The following SORCS3 variants were observed in gnomAD, a reference collection of about 807,000 sequenced individuals.
SORCS3 encodes VPS10 domain-containing receptor SorCS3.
SORCS3 carries 57 observed loss-of-function variants against 146.3 expected under a neutral mutation model. That is an observed-to-expected ratio of 0.39 (90% CI 0.31 to 0.49). The LOEUF (loss-of-function observed/expected upper bound fraction) is 0.49, where lower values mean the gene tolerates loss of function less well. SORCS3 is among the 20% of genes least tolerant of loss of function. The pLI is 0.92. For synonymous variants in SORCS3, 653 were observed against 618.5 expected, an observed-to-expected ratio of 1.06 and a Z score of -0.83; for missense variants, 1,341 against 1,575.5, an observed-to-expected ratio of 0.85 and a Z score of 2.52.
At chr10:105,074,221 G>C (rs902923764) in intron 5 of SORCS3, among the ~76,000 whole-genome samples, 8 of 152,162 alleles carry the variant, frequency 5.3e-5, no homozygotes, top group Admixed American at 5.2e-4. Context: ...CAGATGTGCT[G>C]TGGAGCCAAG....
At chr10:104,774,001 C>T (rs945687859) in intron 1 of SORCS3, among the ~76,000 whole-genome samples, 4 of 152,184 alleles carry the variant, frequency 2.6e-5, no homozygotes, top group Non-Finnish European at 5.9e-5. Flanking sequence ...GGATTCTGCA[C>T]CTATCCTCTG....
chr10:105,102,688 GA>G (rs1181778504), intron 6 of SORCS3, among the ~76,000 whole-genome samples: 1 of 144,976 alleles, frequency 6.9e-6, no homozygotes, highest in Non-Finnish European at 1.5e-5. Context: ...GAAAGGAAAA[GA>G]AAAAAAACAG....
At chr10:104,978,440 C>CA (rs1467312606) in intron 4 of SORCS3, among the ~76,000 whole-genome samples, 1 of 152,176 alleles carries the variant, frequency 6.6e-6, no homozygotes, top group African/African-American at 2.4e-5. Context: ...TTGTATGCCT[C>CA]AAAACCTCTC....
At chr10:104,842,680 C>T in intron 1 of SORCS3, 112 bp from the exon 2 acceptor site, 1 of 775,872 alleles carries the variant, frequency 1.3e-6, no homozygotes, top group Admixed American at 2.1e-5. Flanking sequence ...AATACTAAGC[C>T]CTCCTCTGGG....
At chr10:104,685,225 A>C (rs1000495503) in intron 1 of SORCS3, among the ~76,000 whole-genome samples, 1 of 152,200 alleles carries the variant, frequency 6.6e-6, no homozygotes, top group African/African-American at 2.4e-5. Flanking sequence ...TGAACTAAGC[A>C]TTGTAGGAGC....
intron 1 of SORCS3, among the ~76,000 whole-genome samples, chr10:104,808,339 TAAAC>T (rs909624217): frequency 2.6e-4 from 39 of 152,242 alleles, no homozygotes; most frequent in African/African-American, 8.9e-4. Flanking sequence ...CTTCAAATAG[TAAAC>T]AAGAAAATAG....
At chr10:104,814,465 G>A (rs1203211005) in intron 1 of SORCS3, among the ~76,000 whole-genome samples, 2 of 151,962 alleles carry the variant, frequency 1.3e-5, no homozygotes, top group Non-Finnish European at 2.9e-5. Context: ...CTTCATAGAC[G>A]TTGTCCCCTT....
intron 6 of SORCS3, among the ~76,000 whole-genome samples, chr10:105,097,907 C>A (rs2133747691): frequency 6.6e-6 from 1 of 152,278 alleles, no homozygotes; most frequent in East Asian, 1.9e-4. Flanking sequence ...TAGAAATGTG[C>A]AGAATCAAAA....
chr10:104,726,813 T>C (rs908475152), intron 1 of SORCS3, among the ~76,000 whole-genome samples: 5 of 152,132 alleles, frequency 3.3e-5, no homozygotes, highest in Non-Finnish European at 5.9e-5. Context: ...CTGCCCTTTT[T>C]TTCCAGAGCT....
At chr10:105,164,063 T>C (rs2056291291) in intron 11 of SORCS3, among the ~76,000 whole-genome samples, 1 of 152,166 alleles carries the variant, frequency 6.6e-6, no homozygotes, top group Non-Finnish European at 1.5e-5. Flanking sequence ...CCTGGACTAA[T>C]CGATATTGTC....
chr10:105,053,639 A>G (rs1325106015), intron 5 of SORCS3, among the ~76,000 whole-genome samples: 1 of 151,924 alleles, frequency 6.6e-6, no homozygotes, highest in Non-Finnish European at 1.5e-5. Flanking sequence ...TTCAGATCAT[A>G]TTGTTGATAA....
At chr10:104,739,644 T>A (rs897786470) in intron 1 of SORCS3, among the ~76,000 whole-genome samples, 6 of 152,152 alleles carry the variant, frequency 3.9e-5, no homozygotes, top group African/African-American at 1.4e-4. Flanking sequence ...TGGAGTTCAG[T>A]CTCAGATGCT....
intron 14 of SORCS3, among the ~76,000 whole-genome samples, chr10:105,199,283 A>G (rs958523134): frequency 1.3e-5 from 2 of 151,992 alleles, no homozygotes; most frequent in Admixed American, 6.6e-5. Flanking sequence ...TTATAGGGCA[A>G]TCAACTGCTG....
intron 4 of SORCS3, among the ~76,000 whole-genome samples, chr10:104,981,270 A>G (rs1162779947): frequency 6.6e-6 from 1 of 152,192 alleles, no homozygotes; most frequent in Non-Finnish European, 1.5e-5. Flanking sequence ...ATTTAAAAGG[A>G]CTCAGTAAAG....
intron 1 of SORCS3, among the ~76,000 whole-genome samples, chr10:104,835,048 C>T (rs1301591471): frequency 1.3e-5 from 2 of 152,008 alleles, no homozygotes; most frequent in African/African-American, 2.4e-5. Flanking sequence ...ATTAATAATT[C>T]CTTGTCTTCC....
At chr10:104,898,409 C>T (rs992630677) in intron 2 of SORCS3, among the ~76,000 whole-genome samples, 75 of 152,200 alleles carry the variant, frequency 4.9e-4, no homozygotes, top group African/African-American at 1.6e-3. Flanking sequence ...TTGGTAGGTA[C>T]GGTATGTTTC....
At chr10:105,241,780 G>C (rs1293484316) in intron 20 of SORCS3, among the ~76,000 whole-genome samples, 2 of 152,060 alleles carry the variant, frequency 1.3e-5, no homozygotes, top group Non-Finnish European at 2.9e-5. Flanking sequence ...ACTGAGTCTG[G>C]GGTCTTTATA....
intron 1 of SORCS3, among the ~76,000 whole-genome samples, chr10:104,675,001 T>G (rs2015897793): frequency 6.6e-6 from 1 of 152,262 alleles, no homozygotes; most frequent in Non-Finnish European, 1.5e-5. Flanking sequence ...AAGGGTAGAC[T>G]AGCTGGGTCA....
chr10:104,727,803 A>G (rs2016656128), intron 1 of SORCS3, among the ~76,000 whole-genome samples: 1 of 152,020 alleles, frequency 6.6e-6, no homozygotes, highest in Admixed American at 6.6e-5. Flanking sequence ...GTGGCATTAG[A>G]TTATTATAGG....
Sources: allele counts gnomAD v4.1 joint callset (sites outside exome capture counted in the v4.1 genomes callset), GRCh38; gene constraint gnomAD v4.1.1; transcripts MANE v1.5; gene names NCBI Gene and HGNC (gene_info 2026-07-23, HGNC 2026-07-21).